IL1RAPL1: variants seen among roughly 807,000 people sequenced by gnomAD.
IL1RAPL1 encodes interleukin-1 receptor accessory protein-like 1.
In IL1RAPL1, 3 loss-of-function variants were observed where a neutral mutation model predicts 48.4. The ratio of observed to expected loss-of-function variants is 0.06; its 90% CI spans 0.03 to 0.16. The LOEUF is 0.16. IL1RAPL1 is among the 10% of genes least tolerant of loss of function. IL1RAPL1 has a pLI of 1.00. For synonymous variants in IL1RAPL1, 185 were observed against 187.7 expected, an observed-to-expected ratio of 0.99 and a Z score of 0.12; for missense variants, 349 against 530.6, an observed-to-expected ratio of 0.66 and a Z score of 3.36.
intron 8 of IL1RAPL1, among the ~76,000 whole-genome samples, chrX:29,939,428 T>C (rs936897047): frequency 2.7e-5 from 3 of 112,253 alleles, no homozygotes; most frequent in African/African-American, 9.7e-5. Flanking sequence ...TTACACAGGC[T>C]TCTGTGTATG....
intron 6 of IL1RAPL1, among the ~76,000 whole-genome samples, chrX:29,766,491 AT>A (rs1000840766): frequency 3.3e-5 from 3 of 90,424 alleles, no homozygotes; most frequent in Non-Finnish European, 6.4e-5. Context: ...ATATATATAT[AT>A]TTATATATAT....
chrX:28,904,339 G>A (rs1253504673), intron 2 of IL1RAPL1, among the ~76,000 whole-genome samples: 1 of 111,566 alleles, frequency 9.0e-6, no homozygotes, highest in Non-Finnish European at 1.9e-5. Context: ...AGTTGGAATG[G>A]TATATATAAC....
intron 5 of IL1RAPL1, among the ~76,000 whole-genome samples, chrX:29,533,483 AT>A (rs1921113352): frequency 8.9e-6 from 1 of 112,459 alleles, no homozygotes; most frequent in Non-Finnish European, 1.9e-5. Context: ...GATATATCAC[AT>A]TTTATTCATC....
At chrX:29,020,469 A>G (rs1358934141) in intron 2 of IL1RAPL1, among the ~76,000 whole-genome samples, 1 of 112,738 alleles carries the variant, frequency 8.9e-6, no homozygotes, top group Non-Finnish European at 1.9e-5. Context: ...GCAATAGGCT[A>G]TCTCACAGAG....
Position 28,632,978 on chromosome X carries a change from T to C in IL1RAPL1, c.-25+44931T>C, listed in dbSNP as rs1238975667. Among the ~76,000 whole-genome samples the C allele has an allele frequency of 2.9e-5, 3 of 102,880 alleles. No homozygotes were observed. The South Asian group carries it at 1.4e-3, about 49-fold the overall frequency. The allele number at this position is 102,880 out of a possible 115,157, so 89.3% of individuals were successfully genotyped here. A position where few individuals can be genotyped will look rare whatever the true frequency, so the allele number is the denominator to read the frequency against. On this transcript the variant is annotated intron_variant, in intron 1 of 10. Transcript: ENST00000378993. ...TTGTCTGCTCACTGCAGCCTTCGCC[T>C]CCTGGGTTCAAGTGATTCTCCTGCC...
At chrX:28,921,577 AAG>A (rs1281706345) in intron 2 of IL1RAPL1, among the ~76,000 whole-genome samples, 2 of 111,488 alleles carry the variant, frequency 1.8e-5, no homozygotes, top group African/African-American at 6.5e-5. Context: ...AGCTAGCTGA[AAG>A]AGACCATCTG....
chrX:28,941,806 T>A (rs2147349331), intron 2 of IL1RAPL1, among the ~76,000 whole-genome samples: 1 of 110,516 alleles, frequency 9.0e-6, no homozygotes, highest in African/African-American at 3.3e-5. Context: ...GAAATACTTG[T>A]TTTAAGGGGA....
At chrX:29,521,640 C>G (rs1935504199) in intron 5 of IL1RAPL1, among the ~76,000 whole-genome samples, 2 of 111,902 alleles carry the variant, frequency 1.8e-5, no homozygotes, top group South Asian at 7.5e-4. Context: ...TCACGCTCAG[C>G]TCTAACTTGC....
At chrX:28,802,948 A>G (rs746981654) in intron 2 of IL1RAPL1, among the ~76,000 whole-genome samples, 2 of 111,404 alleles carry the variant, frequency 1.8e-5, no homozygotes, top group East Asian at 5.7e-4. Flanking sequence ...TACTGTTCAA[A>G]CATTTATTTG....
chrX:29,768,616 A>G (rs1471084213), intron 6 of IL1RAPL1, among the ~76,000 whole-genome samples: 1 of 111,549 alleles, frequency 9.0e-6, no homozygotes, highest in Non-Finnish European at 1.9e-5. Flanking sequence ...GTGTCTAGCT[A>G]CTTTTACTTC....
At chrX:28,831,044 G>C (rs866935777) in intron 2 of IL1RAPL1, among the ~76,000 whole-genome samples, 1,930 of 71,527 alleles carry the variant, frequency 0.027, 66 homozygotes, top group African/African-American at 0.11. Context: ...GTGTGTGTGT[G>C]TGTGTGTGTG....
At chrX:29,018,336 A>G (rs369253840) in intron 2 of IL1RAPL1, among the ~76,000 whole-genome samples, 7 of 112,046 alleles carry the variant, frequency 6.2e-5, no homozygotes, top group East Asian at 5.6e-4. Context: ...TCATGCATGC[A>G]TTTGCAAATA....
chrX:28,942,327 T>C (rs1271023614), intron 2 of IL1RAPL1: 2 of 109,583 alleles, frequency 1.8e-5, no homozygotes, highest in Admixed American at 2.0e-4. Context: ...TTGTATGTAA[T>C]ATAAATTATT....
chrX:29,694,495 C>T lies in IL1RAPL1; in HGVS notation c.778+25991C>T, dbSNP rs762621418. ...ATGATAATATAGGGTGATGGTGCCT[C>T]AGTCTACTTGTGCTGCTATAATAAA... On this transcript the variant is annotated intron_variant, in intron 6 of 10. Transcript: ENST00000378993. 1.4e-4 allele frequency among the ~76,000 whole-genome samples: 16 copies of T among 111,251 alleles called. No individual in the cohort carries two copies. The South Asian group carries it at 6.0e-3, about 42-fold the overall frequency.
chrX:29,291,175 T>G (rs1932364917), intron 3 of IL1RAPL1, among the ~76,000 whole-genome samples: 1 of 111,247 alleles, frequency 9.0e-6, no homozygotes, highest in South Asian at 3.8e-4. Flanking sequence ...GAGTGGCTGC[T>G]CTTCATCCAA....
At chrX:28,873,246 A>G (rs898676541) in intron 2 of IL1RAPL1, among the ~76,000 whole-genome samples, 2 of 103,771 alleles carry the variant, frequency 1.9e-5, no homozygotes, top group Non-Finnish European at 4.0e-5. Flanking sequence ...AAGTAGCTGG[A>G]ATTACAGGCA....
In IL1RAPL1 at chrX:29,429,236, C is replaced by T. The variant is rs772879617; in HGVS notation, c.703+29928C>T. On this transcript the variant is annotated intron_variant, in intron 5 of 10. Transcript: ENST00000378993. ...AGTGATGCCAGTGCTGCTCCCTGTC[C>T]CCATACTACAGAGTAAGTAGCAGTC... Among the ~76,000 whole-genome samples, 11 of 111,817 alleles carry T rather than the reference C, an allele frequency of 9.8e-5. No homozygotes were observed. In the South Asian group the frequency reaches 4.1e-3, roughly 42 times the overall value.
chrX:29,224,616 CAT>C (rs1294955161), intron 2 of IL1RAPL1, among the ~76,000 whole-genome samples: 3 of 111,763 alleles, frequency 2.7e-5, no homozygotes, highest in African/African-American at 9.7e-5. Flanking sequence ...TTTTGCCTAT[CAT>C]ATAAAAAATA....
At chrX:28,676,107 C>G (rs1353047378) in intron 1 of IL1RAPL1, among the ~76,000 whole-genome samples, 1 of 111,767 alleles carries the variant, frequency 8.9e-6, no homozygotes, top group African/African-American at 3.3e-5. Flanking sequence ...TACTGAAATA[C>G]CTTCAGTGGT....
Sources: allele counts gnomAD v4.1 joint callset (sites outside exome capture counted in the v4.1 genomes callset), GRCh38; gene constraint gnomAD v4.1.1; transcripts MANE v1.5; gene names NCBI Gene and HGNC (gene_info 2026-07-23, HGNC 2026-07-21).